Variants in XXYLT1 observed in about 807,000 individuals in gnomAD.
XXYLT1 encodes the protein xyloside xylosyltransferase 1.
A neutral mutation model predicts 28.9 loss-of-function variants in XXYLT1; 20 were observed. The ratio of observed to expected loss-of-function variants is 0.69; its 90% CI spans 0.49 to 1.00. The LOEUF (loss-of-function observed/expected upper bound fraction) is 1.00, where lower values mean the gene tolerates loss of function less well. XXYLT1 is among the 50% of genes least tolerant of loss of function. The pLI, the probability that XXYLT1 is intolerant of heterozygous loss-of-function variation, is 0.00. For missense variants in XXYLT1, 542 were observed against 560.1 expected (o/e 0.97, Z 0.33); for synonymous variants, 257 against 253.8 (o/e 1.01, Z -0.12).
In XXYLT1 at chr3:195,209,274, C is replaced by T. The variant is rs375804219; in HGVS notation, c.652+17435G>A. 1.8e-3 allele frequency: 274 copies of T among 152,436 alleles called. 1 individual carries two copies. The highest frequency in any genetic ancestry group is 6.4e-3 in the African/African-American group (266 of 41,586). 9.4% of individuals were successfully genotyped at this position (152,436 alleles called of 1,614,324 possible). Reference sequence around the variant, plus strand: ...GCAGAGGAGACCTACGCCAGGTCCCCGGAGACAAGCCGCTCTCAAACTGTC... The same window carrying T: ...GCAGAGGAGACCTACGCCAGGTCCCTGGAGACAAGCCGCTCTCAAACTGTC... On this transcript the variant is annotated intron_variant, in intron 2 of 3. Transcript: ENST00000310380. The surrounding 1 kb of genome is among the most constrained non-coding windows in gnomAD (Gnocchi z 5.0).
At chr3:195,259,687 G>A (rs1725611084) in intron 1 of XXYLT1, 1 of 985,144 alleles carries the variant, frequency 1.0e-6, no homozygotes, top group Non-Finnish European at 1.2e-6. Flanking sequence ...CCAGGCCAGC[G>A]CCAGGGACAG....
At chr3:195,119,303 A>C (rs1577051188) in intron 3 of XXYLT1, among the ~76,000 whole-genome samples, 1 of 151,210 alleles carries the variant, frequency 6.6e-6, no homozygotes, top group Non-Finnish European at 1.5e-5. Context: ...AAAAAAAAAA[A>C]AAGGAAATAA....
chr3:195,112,514 C>CCA (rs367884630), intron 3 of XXYLT1, among the ~76,000 whole-genome samples: 4,748 of 43,548 alleles, frequency 0.11, 106 homozygotes, highest in Middle Eastern at 0.32. Context: ...CCACACACAC[C>CCA]CACACACACA....
intron 3 of XXYLT1, among the ~76,000 whole-genome samples, chr3:195,153,476 G>A (rs926707462): frequency 6.6e-6 from 1 of 152,174 alleles, no homozygotes; most frequent in Non-Finnish European, 1.5e-5. Flanking sequence ...ATGAAAAGGA[G>A]TATAAGTCTC....
intron 3 of XXYLT1, among the ~76,000 whole-genome samples, chr3:195,088,361 A>C (rs959124124): frequency 1.2e-4 from 18 of 147,990 alleles, no homozygotes; most frequent in Non-Finnish European, 2.4e-4. Flanking sequence ...CTGCCTCCTC[A>C]AGTGGGTCCC....
At chr3:195,203,564 C>T (rs1314104251) in intron 2 of XXYLT1, among the ~76,000 whole-genome samples, 1 of 152,192 alleles carries the variant, frequency 6.6e-6, no homozygotes, top group African/African-American at 2.4e-5. Context: ...CGAACATTAA[C>T]ATCTCCCTCT....
intron 3 of XXYLT1, among the ~76,000 whole-genome samples, chr3:195,139,523 G>A (rs1431535731): frequency 6.6e-6 from 1 of 152,208 alleles, no homozygotes; most frequent in African/African-American, 2.4e-5. Context: ...GTGCTCAGCC[G>A]CTCAGCTGCA....
intron 3 of XXYLT1, among the ~76,000 whole-genome samples, chr3:195,140,384 G>C (rs1003904865): frequency 6.6e-6 from 1 of 152,158 alleles, no homozygotes; most frequent in Non-Finnish European, 1.5e-5. Context: ...GAGGATGTGG[G>C]AGGCACCCTT....
rs1038768621 is a variant in XXYLT1, at chr3:195,078,746, A to T, written c.786-8635T>A. On this transcript the variant is annotated intron_variant, in intron 3 of 3. Coordinates refer to ENST00000310380, the MANE Select transcript of XXYLT1 (RefSeq NM_152531.5). The surrounding 1 kb of genome is among the most constrained non-coding windows in gnomAD (Gnocchi z 5.0). ...TCCCCAGGGCTGCACACAGCCCCCC[A>T]CACTTCCAGAGCTGTCCTCCCCACC... Among the ~76,000 whole-genome samples, 1 of 151,780 alleles carries T rather than the reference A, an allele frequency of 6.6e-6. No homozygotes were observed. The highest frequency in any genetic ancestry group is 2.4e-5 in the African/African-American group (1 of 41,274).
chr3:195,169,908 C>T (rs930058071), intron 2 of XXYLT1, among the ~76,000 whole-genome samples: 1 of 149,592 alleles, frequency 6.7e-6, no homozygotes, highest in South Asian at 2.1e-4. Flanking sequence ...TCTTGTTGCC[C>T]AGCCCAGAGT....
rs1714683174 is a variant in XXYLT1 at position 195,069,697 on chromosome 3, G to A, written c.*18C>T. The A allele has an allele frequency of 3.8e-6, 6 of 1,597,966 alleles. No homozygotes were observed. The highest frequency in any genetic ancestry group is 8.5e-7 in the Non-Finnish European group (1 of 1,173,270). The stretch of plus-strand genomic sequence containing the variant: ...TCCCCCAGATCTGGAGGCCCCGGGG[G>A]CAAGGCACGGGGAGCGCCTAGTCCT... On this transcript the variant is annotated 3_prime_UTR_variant, in exon 4 of 4. Transcript: ENST00000310380.
intron 2 of XXYLT1, among the ~76,000 whole-genome samples, chr3:195,181,823 T>C (rs957968452): frequency 2.0e-5 from 3 of 152,186 alleles, no homozygotes; most frequent in Non-Finnish European, 4.4e-5. Context: ...ATGAATGGCC[T>C]AACTCATGGA....
chr3:195,239,197 T>G (rs1428734856), intron 1 of XXYLT1, among the ~76,000 whole-genome samples: 1 of 152,212 alleles, frequency 6.6e-6, no homozygotes, highest in Admixed American at 6.5e-5. Flanking sequence ...TCACAGACCC[T>G]GCAAGTGTGA....
intron 1 of XXYLT1, among the ~76,000 whole-genome samples, chr3:195,229,923 C>A (rs371615235): frequency 6.6e-6 from 1 of 152,180 alleles, no homozygotes; most frequent in African/African-American, 2.4e-5. Context: ...ATTGCAGGAT[C>A]ATATGCTAGC....
In XXYLT1 at chr3:195,270,573, G is replaced by A; in HGVS notation, c.486C>T (p.Ala162=). 6.5e-6 allele frequency: 9 copies of A among 1,383,524 alleles called. No individual in the cohort carries two copies. Among genetic ancestry groups the A allele is most frequent in the Non-Finnish European group, 8.4e-6 (9 of 1,071,286 alleles). The allele number at this position is 1,383,524 out of a possible 1,614,324, so 85.7% of individuals were successfully genotyped here. ...KGLLRELLPP[A]AGFKCKVIFH... ...CGCTCACCTTGCACTTGAAGCCAGCGGCGGGCGGCAGGAGCTCCCGCAGCA... is the reference window on the plus strand; with the variant it reads ...CGCTCACCTTGCACTTGAAGCCAGCAGCGGGCGGCAGGAGCTCCCGCAGCA... Residue 162 remains alanine (A), a synonymous_variant, in exon 1 of 4, where the codon GCC becomes GCT. Coordinates refer to ENST00000310380, the MANE Select transcript of XXYLT1 (RefSeq NM_152531.5).
chr3:195,070,210 C>A, intron 3 of XXYLT1, 99 bp from the exon 4 acceptor site: 2 of 1,433,436 alleles, frequency 1.4e-6, no homozygotes, highest in Non-Finnish European at 1.8e-6. Context: ...GCAAACACTG[C>A]CACATTCCGG....
intron 1 of XXYLT1, among the ~76,000 whole-genome samples, chr3:195,238,905 G>A (rs578000241): frequency 8.5e-5 from 13 of 152,282 alleles, no homozygotes; most frequent in East Asian, 5.8e-4. Context: ...ACGGATCTGC[G>A]CAGGCATACA....
chr3:195,233,993 T>G (rs1036725164), intron 1 of XXYLT1, among the ~76,000 whole-genome samples: 11 of 152,118 alleles, frequency 7.2e-5, no homozygotes, highest in African/African-American at 2.7e-4. Flanking sequence ...CTCGGGTCAC[T>G]GCAAGCTCCG....
intron 3 of XXYLT1, among the ~76,000 whole-genome samples, chr3:195,085,223 C>T (rs1447936631): frequency 6.6e-6 from 1 of 152,196 alleles, no homozygotes; most frequent in Non-Finnish European, 1.5e-5. Flanking sequence ...CAGAGGAGCA[C>T]GGGCTTTGGA....
Sources: gnomAD v4.1 joint callset for allele counts (sites outside exome capture counted in the v4.1 genomes callset) on GRCh38, gnomAD v4.1.1 for gene constraint, Gnocchi (gnomAD v3.1) non-coding constraint, MANE v1.5 for transcripts, NCBI Gene and HGNC (gene_info 2026-07-23, HGNC 2026-07-21) for gene names.